Variants in RBPMS observed in about 807,000 individuals in gnomAD.
RBPMS encodes RNA-binding protein with multiple splicing.
A neutral mutation model predicts 26.8 loss-of-function variants in RBPMS; 7 were observed. That is an observed-to-expected ratio of 0.26 (90% CI 0.15 to 0.49). The LOEUF is 0.49. RBPMS is among the 20% of genes least tolerant of loss of function. The probability of loss-of-function intolerance (pLI) is 0.98; values close to 1 mark genes in which losing one functional copy is unlikely to be tolerated. For synonymous variants in RBPMS, 96 were observed against 93.3 expected, an observed-to-expected ratio of 1.03 and a Z score of -0.17; for missense variants, 186 against 250.0, an observed-to-expected ratio of 0.74 and a Z score of 1.73.
In RBPMS at chr8:30,465,914, A is replaced by T. The variant is rs1192139512; in HGVS notation, c.67-8865A>T. On this transcript the variant is annotated intron_variant, in intron 1 of 8. Transcript: ENST00000397323. Reference sequence around the variant, plus strand: ...TAGTGGTGTGGTATACCCAGTGCTAACTTGCTGTCCGTATTCTCTGAACAT... The same window carrying T: ...TAGTGGTGTGGTATACCCAGTGCTATCTTGCTGTCCGTATTCTCTGAACAT... 2.0e-5 allele frequency among the ~76,000 whole-genome samples: 3 copies of T among 152,334 alleles called. No homozygotes were observed. In the South Asian group the frequency reaches 6.2e-4, roughly 32 times the overall value.
intron 5 of RBPMS, among the ~76,000 whole-genome samples, chr8:30,523,071 T>G (rs903077517): frequency 3.3e-5 from 5 of 152,116 alleles, no homozygotes; most frequent in Non-Finnish European, 7.4e-5. Flanking sequence ...AGCTGATGGT[T>G]TCTCTTTAAA....
At chr8:30,446,116 A>T (rs1157872210) in intron 1 of RBPMS, among the ~76,000 whole-genome samples, 1 of 152,186 alleles carries the variant, frequency 6.6e-6, no homozygotes, top group East Asian at 1.9e-4. Flanking sequence ...CTTTGTATAC[A>T]CTTATCTCTT....
At chr8:30,558,822 C>A (rs1413395884) in intron 6 of RBPMS, 65 bp from the exon 7 acceptor site, 1 of 1,372,974 alleles carries the variant, frequency 7.3e-7, no homozygotes. Context: ...CCAAGCAGGA[C>A]CCTCCGTGAG....
intron 5 of RBPMS, among the ~76,000 whole-genome samples, chr8:30,532,256 C>T (rs1052495879): frequency 1.9e-4 from 29 of 152,156 alleles, no homozygotes; most frequent in African/African-American, 7.0e-4. Flanking sequence ...GCACCACTCC[C>T]TGCCACCTCC....
At chr8:30,511,819 GTC>G (rs1327563681) in intron 5 of RBPMS, among the ~76,000 whole-genome samples, 1 of 151,520 alleles carries the variant, frequency 6.6e-6, no homozygotes, top group Non-Finnish European at 1.5e-5. Flanking sequence ...GTGAGACTGT[GTC>G]TCAAAAAAAA....
At chr8:30,499,018 T>G (rs893507893) in intron 4 of RBPMS, among the ~76,000 whole-genome samples, 1 of 152,196 alleles carries the variant, frequency 6.6e-6, no homozygotes, top group Non-Finnish European at 1.5e-5. Flanking sequence ...TAGTAATGAA[T>G]TATAAAGCAT....
At chr8:30,561,709 T>G (rs1020203985) in intron 7 of RBPMS, among the ~76,000 whole-genome samples, 24 of 152,098 alleles carry the variant, frequency 1.6e-4, no homozygotes, top group African/African-American at 5.3e-4. Context: ...GTCAGATGCT[T>G]CAGGAAAGTC....
Position 30,519,481 on chromosome 8 carries a change from T to C in RBPMS, c.397+15045T>C, listed in dbSNP as rs1488647012. 6.8e-4 allele frequency among the ~76,000 whole-genome samples: 20 copies of C among 29,566 alleles called. 2 individuals are homozygous for C. The highest frequency in any genetic ancestry group is 1.6e-3 in the African/African-American group (14 of 8,690). 19.4% of individuals were successfully genotyped at this position (29,566 alleles called of 152,430 possible). A position where few individuals can be genotyped will look rare whatever the true frequency, so the allele number is the denominator to read the frequency against. On this transcript the variant is annotated intron_variant, in intron 5 of 8. Coordinates refer to ENST00000397323, the MANE Select transcript of RBPMS (RefSeq NM_001008710.3). The stretch of plus-strand genomic sequence containing the variant: ...CTCTTTTTTTTTTTTTTTTTTTTTT[T>C]TTTTTTTTTTTTTTTTTTTGGAGAC...
At chr8:30,456,830 G>T (rs956207375) in intron 1 of RBPMS, among the ~76,000 whole-genome samples, 1 of 152,168 alleles carries the variant, frequency 6.6e-6, no homozygotes, top group Admixed American at 6.5e-5. Context: ...CTGAGGCAGA[G>T]AATTGCTTGA....
intron 1 of RBPMS, among the ~76,000 whole-genome samples, chr8:30,390,940 A>C (rs1042785032): frequency 2.0e-5 from 3 of 152,208 alleles, no homozygotes; most frequent in Non-Finnish European, 4.4e-5. Context: ...AGGTAATAAG[A>C]AGCAGCCACT....
At chr8:30,431,483 C>G (rs1459616734) in intron 1 of RBPMS, among the ~76,000 whole-genome samples, 1 of 151,688 alleles carries the variant, frequency 6.6e-6, no homozygotes, top group African/African-American at 2.4e-5. Context: ...GACGGACTCT[C>G]TCATTCTGTC....
In RBPMS at chr8:30,483,467, AATT is replaced by A. The variant is rs559660970; in HGVS notation, c.246+4093_246+4095del. On this transcript the variant is annotated intron_variant, in intron 4 of 8. Transcript: ENST00000397323. ...ATACTCATTAATCTAAGTGATCTCT[AATT>A]ATCAGTGAACCTCCAAGTTCAGTGT... is the stretch of plus-strand genomic sequence containing the variant. Among the ~76,000 whole-genome samples the A allele has an allele frequency of 1.5e-4, 23 of 152,232 alleles. 1 individual carries two copies. In the South Asian group the frequency reaches 4.8e-3, roughly 32 times the overall value.
chr8:30,525,127 T>A (rs1266769456), intron 5 of RBPMS, among the ~76,000 whole-genome samples: 2 of 152,184 alleles, frequency 1.3e-5, no homozygotes, highest in Admixed American at 1.3e-4. Flanking sequence ...AGTTAAAGAT[T>A]AGCAAAGTTT....
intron 1 of RBPMS, among the ~76,000 whole-genome samples, chr8:30,456,907 C>T (rs558788896): frequency 1.6e-4 from 25 of 152,282 alleles, no homozygotes; most frequent in Admixed American, 1.4e-3. Flanking sequence ...GAAGACAGAG[C>T]GAGACTCCAT....
chr8:30,522,188 A>G (rs80323232), intron 5 of RBPMS, among the ~76,000 whole-genome samples: 10,812 of 151,954 alleles, frequency 0.071, 529 homozygotes, highest in Non-Finnish European at 0.11. Context: ...AGTCACAGCT[A>G]CTTGGGAGGT....
chr8:30,428,649 T>C (rs1178937626), intron 1 of RBPMS, among the ~76,000 whole-genome samples: 1 of 152,190 alleles, frequency 6.6e-6, no homozygotes, highest in African/African-American at 2.4e-5. Context: ...AATCTAAATT[T>C]ACAGGGCTCC....
intron 1 of RBPMS, among the ~76,000 whole-genome samples, chr8:30,393,203 G>A (rs1349560555): frequency 6.6e-6 from 1 of 151,950 alleles, no homozygotes; most frequent in Admixed American, 6.5e-5. Context: ...GCCTGAGGGG[G>A]AGCTTAGAAA....
chr8:30,547,190 T>C, intron 6 of RBPMS: 1 of 841,798 alleles, frequency 1.2e-6, no homozygotes, highest in South Asian at 1.5e-5. Flanking sequence ...TCAGTCTTTG[T>C]TTTGGAAATC....
intron 7 of RBPMS, among the ~76,000 whole-genome samples, chr8:30,562,496 C>A (rs907180223): frequency 5.3e-5 from 8 of 152,050 alleles, no homozygotes; most frequent in African/African-American, 1.9e-4. Context: ...AGTCTAGTCT[C>A]CCAGCCCATC....
Sources: gnomAD v4.1 joint callset for allele counts (sites outside exome capture counted in the v4.1 genomes callset) on GRCh38, gnomAD v4.1.1 for gene constraint, MANE v1.5 for transcripts, NCBI Gene and HGNC (gene_info 2026-07-23, HGNC 2026-07-21) for gene names.